Variants in CHCHD3 observed in about 807,000 individuals in gnomAD.
The protein encoded by CHCHD3 is coiled-coil-helix-coiled-coil-helix domain containing 3.
CHCHD3 carries 20 observed loss-of-function variants against 38.2 expected under a neutral mutation model. The observed-to-expected ratio is 0.52, with a 90% CI of 0.37 to 0.76. The LOEUF is 0.76. CHCHD3 is among the 30% of genes least tolerant of loss of function. CHCHD3 has a pLI of 0.00. For missense variants in CHCHD3, 245 were observed against 279.2 expected, an observed-to-expected ratio of 0.88 and a Z score of 0.87; for synonymous variants, 82 against 100.0, an observed-to-expected ratio of 0.82 and a Z score of 1.07.
intron 4 of CHCHD3, among the ~76,000 whole-genome samples, chr7:132,946,828 T>C (rs1433761623): frequency 1.3e-5 from 2 of 151,886 alleles, no homozygotes; most frequent in Non-Finnish European, 2.9e-5. Context: ...TTAGATAATG[T>C]TTTTAATCAG....
At chr7:133,060,565 A>G (rs1461389968) in intron 2 of CHCHD3, among the ~76,000 whole-genome samples, 5 of 152,204 alleles carry the variant, frequency 3.3e-5, no homozygotes, top group African/African-American at 4.8e-5. Flanking sequence ...GCAGTGGGGC[A>G]GGGCTAGAAG....
chr7:132,963,420 G>A (rs552015715), intron 4 of CHCHD3, among the ~76,000 whole-genome samples: 100 of 146,292 alleles, frequency 6.8e-4, no homozygotes, highest in Non-Finnish European at 9.3e-4. Flanking sequence ...TCACGAGGTC[G>A]GGAGATCGAG....
chr7:132,955,549 T>G (rs1318835569), intron 4 of CHCHD3, among the ~76,000 whole-genome samples: 2 of 151,950 alleles, frequency 1.3e-5, no homozygotes, highest in African/African-American at 2.4e-5. Context: ...TTTGTTTTTT[T>G]TTTTTAATGT....
intron 4 of CHCHD3, among the ~76,000 whole-genome samples, chr7:132,907,825 T>C (rs760340258): frequency 6.6e-6 from 1 of 152,204 alleles, no homozygotes; most frequent in African/African-American, 2.4e-5. Flanking sequence ...AGGACCTGCA[T>C]GTGCTGAATG....
chr7:132,948,049 CATT>C (rs1810939943), intron 4 of CHCHD3, among the ~76,000 whole-genome samples: 1 of 152,026 alleles, frequency 6.6e-6, no homozygotes, highest in African/African-American at 2.4e-5. Context: ...CTTGCAATGT[CATT>C]ATCAAACAAG....
intron 2 of CHCHD3, among the ~76,000 whole-genome samples, chr7:133,067,476 T>C (rs764668213): frequency 6.6e-6 from 1 of 152,198 alleles, no homozygotes; most frequent in Non-Finnish European, 1.5e-5. Context: ...CCCTTAACAT[T>C]TTCCGTATTT....
At chr7:132,924,783 A>G (rs1374897929) in intron 4 of CHCHD3, among the ~76,000 whole-genome samples, 2 of 152,188 alleles carry the variant, frequency 1.3e-5, no homozygotes, top group Non-Finnish European at 1.5e-5. Context: ...AATGTATGAA[A>G]CACCAAATTT....
intron 1 of CHCHD3, among the ~76,000 whole-genome samples, chr7:133,077,279 C>T (rs570936362): frequency 1.3e-5 from 2 of 152,304 alleles, no homozygotes; most frequent in Admixed American, 6.5e-5. Flanking sequence ...TAAATTTGCA[C>T]AACATTCCTC....
At chr7:132,820,745 A>AT (rs963815564) in intron 6 of CHCHD3, among the ~76,000 whole-genome samples, 12 of 151,790 alleles carry the variant, frequency 7.9e-5, no homozygotes, top group South Asian at 2.1e-4. Context: ...TGGAAAAAAA[A>AT]ATATATATAT....
intron 2 of CHCHD3, among the ~76,000 whole-genome samples, chr7:133,039,495 C>T (rs1401857969): frequency 6.6e-6 from 1 of 152,172 alleles, no homozygotes; most frequent in East Asian, 1.9e-4. Context: ...AAAATCCAAA[C>T]AGGAATTCAG....
At chr7:133,038,403 T>A (rs1448376804) in intron 2 of CHCHD3, among the ~76,000 whole-genome samples, 1 of 152,228 alleles carries the variant, frequency 6.6e-6, no homozygotes, top group Non-Finnish European at 1.5e-5. Flanking sequence ...AGTTCCTCTG[T>A]AATTGAACAC....
intron 3 of CHCHD3, among the ~76,000 whole-genome samples, chr7:132,991,297 T>C (rs1812279571): frequency 6.6e-6 from 1 of 152,166 alleles, no homozygotes; most frequent in Admixed American, 6.5e-5. Context: ...TTTCTTTCTG[T>C]TTGGCACAAC....
intron 2 of CHCHD3, among the ~76,000 whole-genome samples, chr7:133,037,606 A>C: frequency 6.6e-6 from 1 of 152,178 alleles, no homozygotes; most frequent in Non-Finnish European, 1.5e-5. Flanking sequence ...TGAGGTCAGG[A>C]GTTCGAGACC....
Position 132,859,025 on chromosome 7 carries a change from T to C in CHCHD3, c.454-20556A>G, listed in dbSNP as rs142166218. ...AATCCAAGCAGCCGAGCTCCAGAGG[T>C]AATATGCTTAACAGCTACAGTACAG... On this transcript the variant is annotated intron_variant, in intron 5 of 7. Transcript: ENST00000262570. Among the ~76,000 whole-genome samples, 22 of 152,192 alleles carry C rather than the reference T, an allele frequency of 1.4e-4. No homozygotes were observed. In the East Asian group the frequency reaches 4.3e-3, roughly 29 times the overall value.
chr7:132,879,654 C>T (rs1015511047), intron 5 of CHCHD3, among the ~76,000 whole-genome samples: 2 of 130,538 alleles, frequency 1.5e-5, no homozygotes, highest in African/African-American at 2.9e-5. Flanking sequence ...TACACATTTT[C>T]CTGAAGAACA....
At chr7:132,824,011 T>A (rs944173812) in intron 6 of CHCHD3, among the ~76,000 whole-genome samples, 2 of 152,194 alleles carry the variant, frequency 1.3e-5, no homozygotes, top group Non-Finnish European at 2.9e-5. Flanking sequence ...TCAGAACTAA[T>A]CTTTACTATG....
rs373755482 is a variant in CHCHD3 at position 132,863,463 on chromosome 7, G to A, written c.453+22199C>T. ...CTTTGGTGTTCCATTTATAGCACACGGGCAGAGTTGACTTAGCATAATTCT... is the reference window on the plus strand; with the variant it reads ...CTTTGGTGTTCCATTTATAGCACACAGGCAGAGTTGACTTAGCATAATTCT... On this transcript the variant is annotated intron_variant, in intron 5 of 7. Transcript: ENST00000262570. Among the ~76,000 whole-genome samples, 20 of 152,246 alleles carry A rather than the reference G, an allele frequency of 1.3e-4. No individual in the cohort carries two copies. In the East Asian group the frequency reaches 2.1e-3, roughly 16 times the overall value.
intron 4 of CHCHD3, among the ~76,000 whole-genome samples, chr7:132,962,106 G>A (rs571746351): frequency 3.9e-5 from 6 of 152,132 alleles, no homozygotes; most frequent in South Asian, 2.1e-4. Flanking sequence ...ATTTATGCCC[G>A]GCCTGTGACT....
intron 4 of CHCHD3, among the ~76,000 whole-genome samples, chr7:132,923,300 A>G (rs556001919): frequency 6.6e-6 from 1 of 152,262 alleles, no homozygotes; most frequent in South Asian, 2.1e-4. Flanking sequence ...TTAAATGTCT[A>G]TGTGTTTCAG....
Sources: gnomAD v4.1 joint callset for allele counts (sites outside exome capture counted in the v4.1 genomes callset) on GRCh38, gnomAD v4.1.1 for gene constraint, MANE v1.5 for transcripts, NCBI Gene and HGNC (gene_info 2026-07-23, HGNC 2026-07-21) for gene names.